SLC5A1: variants seen among roughly 807,000 people sequenced by gnomAD.
SLC5A1 encodes the protein sodium/glucose cotransporter 1.
A neutral mutation model predicts 73.5 loss-of-function variants in SLC5A1; 42 were observed. The observed-to-expected ratio is 0.57, with a 90% CI of 0.45 to 0.74. The LOEUF (loss-of-function observed/expected upper bound fraction) is 0.74. SLC5A1 is among the 30% of genes least tolerant of loss of function. SLC5A1 has a pLI of 0.00. For missense variants in SLC5A1, 634 were observed against 855.4 expected, an observed-to-expected ratio of 0.74 and a Z score of 3.23; for synonymous variants, 300 against 317.4, an observed-to-expected ratio of 0.95 and a Z score of 0.58.
intron 2 of SLC5A1, among the ~76,000 whole-genome samples, chr22:32,050,848 A>G (rs942677410): frequency 6.6e-6 from 1 of 152,226 alleles, no homozygotes. Flanking sequence ...AGGCAAGCCA[A>G]GGCAACTCAT....
intron 5 of SLC5A1, among the ~76,000 whole-genome samples, chr22:32,081,181 G>A (rs533058558): frequency 3.3e-5 from 5 of 152,194 alleles, no homozygotes; most frequent in African/African-American, 1.2e-4. Flanking sequence ...ACAGGAAGGA[G>A]GAGAAAGGGT....
intron 5 of SLC5A1, among the ~76,000 whole-genome samples, chr22:32,074,768 C>G (rs1016815555): frequency 2.0e-5 from 3 of 152,200 alleles, no homozygotes; most frequent in Non-Finnish European, 4.4e-5. Context: ...GATCCCTTGA[C>G]AAATACATAA....
chr22:32,064,609 C>T (rs2093969441), intron 2 of SLC5A1, among the ~76,000 whole-genome samples: 1 of 152,116 alleles, frequency 6.6e-6, no homozygotes, highest in Admixed American at 6.5e-5. Flanking sequence ...GAATGGCGTC[C>T]ACCCAGTTAC....
At chr22:32,069,963 C>T (rs2093980087) in intron 5 of SLC5A1, among the ~76,000 whole-genome samples, 1 of 152,144 alleles carries the variant, frequency 6.6e-6, no homozygotes, top group African/African-American at 2.4e-5. Flanking sequence ...AAGGCTCCTG[C>T]TTTTTCTTGG....
Position 32,110,189 on chromosome 22 carries a change from C to G in SLC5A1, c.1971C>G (p.Val657=). The change falls in exon 15 of 15, where the codon GTC becomes GTG. Residue 657 remains valine, a synonymous_variant. Transcript: ENST00000266088. ...GCATCATCCTGGTGACCGTGGCTGT[C>G]TTTTGCCATGCATATTTTGCCTGAG... ...VNGIILVTVA[V]FCHAYFA The G allele has an allele frequency of 1.2e-6, 2 of 1,613,838 alleles. No homozygotes were observed. Among genetic ancestry groups the G allele is most frequent in the East Asian group, 4.5e-5 (2 of 44,888 alleles).
Position 32,110,057 on chromosome 22 carries a change from GCA to G in SLC5A1, c.1840_1841del (p.Gln614AlafsTer8). On this transcript the variant is annotated frameshift_variant, in exon 15 of 15. Coordinates refer to ENST00000266088, the MANE Select transcript of SLC5A1 (RefSeq NM_000343.4). LOFTEE classifies it high-confidence loss of function. ...RAYDLFCGLE[Q>X]HGAPKMTEEE... The stretch of plus-strand genomic sequence containing the variant: ...CCTATGACCTATTTTGTGGGCTAGA[GCA>G]GCACGGTGCACCCAAGATGACTGAG... 1 of 1,614,148 alleles carries G rather than the reference GCA, an allele frequency of 6.2e-7. No individual in the cohort carries two copies. The highest frequency in any genetic ancestry group is 1.7e-5 in the Admixed American group (1 of 60,012).
rs200270930 is a variant in SLC5A1, at chr22:32,068,026, G to A, written c.372G>A (p.Gly124=). The A allele has an allele frequency of 4.4e-5, 71 of 1,613,618 alleles. No individual in the cohort carries two copies. Among genetic ancestry groups the A allele is most frequent in the Non-Finnish European group, 4.4e-5 (52 of 1,179,686 alleles). Residue 124 remains glycine (G), a splice_region_variant and synonymous_variant, in exon 4 of 15, where the codon GGG becomes GGA. Coordinates refer to ENST00000266088, the MANE Select transcript of SLC5A1 (RefSeq NM_000343.4). The part of the protein sequence containing the change: ...WLFVPIYIKA[G]VVTMPEYLRK... ...TTGTCCCCATCTATATTAAGGCTGG[G>A]GTAAGTATCTGCTCTGTTATTTCAT...
intron 1 of SLC5A1, among the ~76,000 whole-genome samples, chr22:32,046,577 T>A (rs1309320274): frequency 1.3e-5 from 2 of 152,182 alleles, no homozygotes; most frequent in East Asian, 3.8e-4. Flanking sequence ...TTTTGTCTGG[T>A]TGTGTCCTAT....
At chr22:32,099,862 G>C (rs983999095) in intron 12 of SLC5A1, among the ~76,000 whole-genome samples, 1 of 152,194 alleles carries the variant, frequency 6.6e-6, no homozygotes, top group Non-Finnish European at 1.5e-5. Flanking sequence ...GCACCTCTCA[G>C]GGCCCAGTGA....
At chr22:32,051,418 G>A (rs1017016690) in intron 2 of SLC5A1, among the ~76,000 whole-genome samples, 5 of 152,166 alleles carry the variant, frequency 3.3e-5, no homozygotes, top group Non-Finnish European at 5.9e-5. Flanking sequence ...CATTTTGGGA[G>A]GCAGAAGTGA....
At chr22:32,108,894 T>C (rs940343097) in intron 14 of SLC5A1, among the ~76,000 whole-genome samples, 5 of 152,158 alleles carry the variant, frequency 3.3e-5, no homozygotes, top group Non-Finnish European at 7.3e-5. Context: ...AATTCTGTGA[T>C]GCTGGCCATG....
At chr22:32,094,212 C>A (rs1048905260) in intron 11 of SLC5A1, among the ~76,000 whole-genome samples, 1 of 152,068 alleles carries the variant, frequency 6.6e-6, no homozygotes, top group African/African-American at 2.4e-5. Flanking sequence ...GGTGGATTAT[C>A]TTTTTGATAT....
intron 14 of SLC5A1, among the ~76,000 whole-genome samples, chr22:32,106,169 T>C (rs542805571): frequency 6.6e-6 from 1 of 152,358 alleles, no homozygotes; most frequent in East Asian, 1.9e-4. Context: ...CAAACTGTTC[T>C]CCATACTGGT....
At chr22:32,076,889 T>C (rs914396642) in intron 5 of SLC5A1, among the ~76,000 whole-genome samples, 2 of 152,220 alleles carry the variant, frequency 1.3e-5, no homozygotes, top group African/African-American at 4.8e-5. Context: ...TGGACATCGT[T>C]CAGCCAAATT....
chr22:32,091,815 A>G, intron 11 of SLC5A1, 53 bp downstream of exon 11: 1 of 1,594,224 alleles, frequency 6.3e-7, no homozygotes, highest in South Asian at 1.1e-5. Flanking sequence ...GAGAGGTTCC[A>G]TCTGTGTTAC....
intron 10 of SLC5A1, among the ~76,000 whole-genome samples, chr22:32,090,100 C>CAAAAAAA (rs11365344): frequency 1.9e-5 from 2 of 105,556 alleles, no homozygotes; most frequent in African/African-American, 6.3e-5. Flanking sequence ...CCTTGTCTTT[C>CAAAAAAA]AAAAAAAAAA....
At chr22:32,087,334 CATCAT>C (rs1481906592) in intron 10 of SLC5A1, among the ~76,000 whole-genome samples, 4 of 151,228 alleles carry the variant, frequency 2.6e-5, no homozygotes, top group African/African-American at 9.9e-5. Context: ...TATTTCAAGA[CATCAT>C]ATTATATACC....
intron 5 of SLC5A1, among the ~76,000 whole-genome samples, chr22:32,071,206 C>T (rs902734503): frequency 6.6e-6 from 1 of 152,178 alleles, no homozygotes; most frequent in Non-Finnish European, 1.5e-5. Flanking sequence ...AATCCCAGCA[C>T]TTTGGGAGGC....
In SLC5A1 at chr22:32,081,874, C is replaced by G. The variant is rs769578731; in HGVS notation, c.486C>G (p.Ile162Met). ...CTCTCCTCTCCTTCCAGGCAGACAT[C>G]TTCTCGGGGGCCATATTCATCAATC... ...LYIFTKISAD[I>M]FSGAIFINLA... Residue 162 changes from isoleucine (I) to methionine (M), a missense_variant, in exon 6 of 15, where the codon ATC (isoleucine) becomes ATG (methionine). By Grantham distance (10) the Ile-to-Met change is conservative. Transcript: ENST00000266088. 3.0e-5 allele frequency: 48 copies of G among 1,612,270 alleles called. No homozygotes were observed. Among genetic ancestry groups the G allele is most frequent in the Non-Finnish European group, 4.0e-5 (47 of 1,178,762 alleles).
Sources: allele counts gnomAD v4.1 joint callset (sites outside exome capture counted in the v4.1 genomes callset), GRCh38; gene constraint gnomAD v4.1.1; transcripts MANE v1.5; gene names NCBI Gene and HGNC (gene_info 2026-07-23, HGNC 2026-07-21).